The following TNS3 variants were observed in gnomAD, a reference collection of about 807,000 sequenced individuals.
The protein encoded by TNS3 is tensin 3.
In TNS3, 45 loss-of-function variants were observed where a neutral mutation model predicts 140.9. The ratio of observed to expected loss-of-function variants is 0.32; its 90% CI spans 0.25 to 0.41. The LOEUF is 0.41. Ranked by LOEUF, TNS3 falls within the 10% of genes least tolerant of loss-of-function variation. The pLI is 1.00. For missense variants in TNS3, 1,716 were observed against 1,906.7 expected (o/e 0.90, Z 1.86); for synonymous variants, 815 against 788.4 (o/e 1.03, Z -0.56).
chr7:47,400,657 T>G lies in TNS3; in HGVS notation c.853+128A>C, dbSNP rs1427390934. 8.1e-6 allele frequency: 12 copies of G among 1,479,588 alleles called. No individual in the cohort carries two copies. The African/African-American group carries it at 1.7e-4, about 21-fold the overall frequency. 91.7% of individuals were successfully genotyped at this position (1,479,588 alleles called of 1,614,324 possible). ...CCAGGGATCAATGATCATTTTCTCC[T>G]ACTTTGGGAACAATTTTGTCAGTAG... On this transcript the variant is annotated intron_variant, in intron 14 of 30. Coordinates refer to ENST00000311160, the MANE Select transcript of TNS3 (RefSeq NM_022748.12).
intron 1 of TNS3, among the ~76,000 whole-genome samples, chr7:47,563,260 A>G (rs568218856): frequency 9.2e-5 from 14 of 152,348 alleles, no homozygotes; most frequent in Non-Finnish European, 2.1e-4. Context: ...ACAAAGATCT[A>G]AAGTCCACAG....
At chr7:47,280,050 G>T (rs2150531846) in intron 30 of TNS3, 114 bp downstream of exon 30, 3 of 1,227,614 alleles carry the variant, frequency 2.4e-6, no homozygotes, top group Non-Finnish European at 3.5e-6. Flanking sequence ...AAAGAAATTG[G>T]CATGGTGTAG....
Position 47,303,313 on chromosome 7 carries a change from G to T in TNS3, c.3094C>A (p.Pro1032Thr). The change falls in exon 22 of 31, where the codon CCG becomes ACG. Residue 1032 changes from proline to threonine, a missense_variant. Pro to Thr is a conservative substitution (Grantham distance 38). Coordinates refer to ENST00000311160, the MANE Select transcript of TNS3 (RefSeq NM_022748.12). ...FGTAPVGSGL[P>T]PEEDLGALLA... ...AAGGCCCCCAGGTCCTCCTCGGGCG[G>T]AAGGCCACTTCCCACTGGGGCGGTG... 1.2e-6 allele frequency: 2 copies of T among 1,613,508 alleles called. No homozygotes were observed. Among genetic ancestry groups the T allele is most frequent in the African/African-American group, 2.7e-5 (2 of 75,064 alleles).
Position 47,415,083 on chromosome 7 carries a change from G to T in TNS3, c.586+11C>A. 1 of 1,602,874 alleles carries T rather than the reference G, an allele frequency of 6.2e-7. No individual in the cohort carries two copies. Among genetic ancestry groups the T allele is most frequent in the Non-Finnish European group, 8.5e-7 (1 of 1,172,438 alleles). ...GCCAATCGCAGGTGCCACGTCATAG[G>T]GGACACTCACCTCCACCTGTGTCGA... On this transcript the variant is annotated intron_variant, in intron 11 of 30. Coordinates refer to ENST00000311160, the MANE Select transcript of TNS3 (RefSeq NM_022748.12).
chr7:47,343,545 A>G (rs1329404932), intron 20 of TNS3, among the ~76,000 whole-genome samples: 2 of 152,248 alleles, frequency 1.3e-5, no homozygotes, highest in Non-Finnish European at 2.9e-5. Flanking sequence ...GAACACTTTC[A>G]AGCTAGGAGC....
chr7:47,306,077 A>C (rs1349690924), intron 20 of TNS3, among the ~76,000 whole-genome samples: 2 of 152,316 alleles, frequency 1.3e-5, no homozygotes, highest in East Asian at 3.9e-4. Flanking sequence ...TTACCCTTCA[A>C]ATGAAAACCA....
chr7:47,344,708 C>T (rs1201489273), intron 20 of TNS3, 47 bp downstream of exon 20: 2 of 1,556,446 alleles, frequency 1.3e-6, no homozygotes, highest in Non-Finnish European at 8.8e-7. Context: ...CCCCGCGATG[C>T]AGCGCCTGAG....
intron 2 of TNS3, among the ~76,000 whole-genome samples, chr7:47,524,609 T>C (rs1023292141): frequency 1.3e-5 from 2 of 150,460 alleles, no homozygotes; most frequent in African/African-American, 4.9e-5. Flanking sequence ...GAGACCATCC[T>C]GGCTAACAAG....
intron 3 of TNS3, among the ~76,000 whole-genome samples, chr7:47,496,289 A>G (rs1267304195): frequency 6.6e-6 from 1 of 152,218 alleles, no homozygotes; most frequent in Non-Finnish European, 1.5e-5. Context: ...TCTTCTAGAA[A>G]GGGGCCAAGG....
At chr7:47,474,716 A>G (rs1797111930) in intron 4 of TNS3, among the ~76,000 whole-genome samples, 1 of 150,652 alleles carries the variant, frequency 6.6e-6, no homozygotes, top group African/African-American at 2.4e-5. Flanking sequence ...CACACAGCAC[A>G]GACATGTACA....
chr7:47,537,186 G>A (rs905783364), intron 1 of TNS3, among the ~76,000 whole-genome samples: 1 of 152,016 alleles, frequency 6.6e-6, no homozygotes, highest in South Asian at 2.1e-4. Context: ...GGCTATCTGG[G>A]GGGAGGATGC....
intron 6 of TNS3, 106 bp downstream of exon 6, chr7:47,439,381 T>C (rs2151561642): frequency 1.5e-6 from 2 of 1,300,918 alleles, no homozygotes; most frequent in African/African-American, 1.5e-5. Context: ...GCCCAGGCCC[T>C]TGAGCTTCTC....
intron 21 of TNS3, among the ~76,000 whole-genome samples, chr7:47,304,386 A>T (rs1786617518): frequency 6.6e-6 from 1 of 152,216 alleles, no homozygotes; most frequent in Non-Finnish European, 1.5e-5. Flanking sequence ...GGTAGAATTT[A>T]AAAAGTTAAA....
Position 47,452,821 on chromosome 7 carries a change from T to C in TNS3, c.-75-10766A>G, listed in dbSNP as rs575556365. Reference sequence around the variant, plus strand: ...GGGAAAAATGACTTGGAAATGCCCCTTCACTGCAAAGCAGCCAGTACCGGA... The same window carrying C: ...GGGAAAAATGACTTGGAAATGCCCCCTCACTGCAAAGCAGCCAGTACCGGA... On this transcript the variant is annotated intron_variant, in intron 4 of 30. Coordinates refer to ENST00000311160, the MANE Select transcript of TNS3 (RefSeq NM_022748.12). 61 of 663,976 alleles carry C rather than the reference T, an allele frequency of 9.2e-5. 1 individual carries two copies. In the South Asian group the frequency reaches 2.0e-3, roughly 22 times the overall value. The allele number at this position is 663,976 out of a possible 1,614,324, so 41.1% of individuals were successfully genotyped here.
chr7:47,556,960 C>T (rs778589451), intron 1 of TNS3: 57 of 452,542 alleles, frequency 1.3e-4, no homozygotes, highest in Non-Finnish European at 2.5e-4. Flanking sequence ...CCTCTGTCCT[C>T]CAGTCCCTGC....
In TNS3 at chr7:47,416,572, G is replaced by A. The variant is rs150720914; in HGVS notation, c.474-1366C>T. ...AGCAAACTTCTCTTCTGCTCTCTCA[G>A]AACAGGGCAAAACCTCACAAGAGTC... is the stretch of plus-strand genomic sequence containing the variant. On this transcript the variant is annotated intron_variant, in intron 10 of 30. Coordinates refer to ENST00000311160, the MANE Select transcript of TNS3 (RefSeq NM_022748.12). 2.0e-5 allele frequency among the ~76,000 whole-genome samples: 3 copies of A among 152,236 alleles called. No individual in the cohort carries two copies. In the East Asian group the frequency reaches 5.8e-4, roughly 29 times the overall value.
intron 3 of TNS3, among the ~76,000 whole-genome samples, chr7:47,503,747 TA>T (rs1385519537): frequency 6.6e-6 from 1 of 152,120 alleles, no homozygotes; most frequent in Non-Finnish European, 1.5e-5. Flanking sequence ...GGGAGGCTTA[TA>T]AACAACAGAA....
At chr7:47,363,863 G>A (rs1356559415) in intron 17 of TNS3, among the ~76,000 whole-genome samples, 2 of 152,118 alleles carry the variant, frequency 1.3e-5, no homozygotes, top group Non-Finnish European at 2.9e-5. Context: ...TGAGCCTTTT[G>A]GACGTGCCAG....
chr7:47,469,021 T>C (rs1392562614), intron 4 of TNS3, among the ~76,000 whole-genome samples: 1 of 152,172 alleles, frequency 6.6e-6, no homozygotes, highest in Non-Finnish European at 1.5e-5. Flanking sequence ...AGTGCTGGGA[T>C]AACTTGCTAG....
Sources: gnomAD v4.1 joint callset for allele counts (sites outside exome capture counted in the v4.1 genomes callset) on GRCh38, gnomAD v4.1.1 for gene constraint, MANE v1.5 for transcripts, NCBI Gene and HGNC (gene_info 2026-07-23, HGNC 2026-07-21) for gene names.